Variants in ROBO2 observed in about 807,000 individuals in gnomAD.
ROBO2 encodes the protein roundabout homolog 2.
ROBO2 carries 53 observed loss-of-function variants against 160.8 expected under a neutral mutation model. The ratio of observed to expected loss-of-function variants is 0.33; its 90% CI spans 0.26 to 0.41. The LOEUF (loss-of-function observed/expected upper bound fraction) is 0.41. Ranked by LOEUF, ROBO2 falls within the 10% of genes least tolerant of loss-of-function variation. ROBO2 has a pLI of 1.00. For synonymous variants in ROBO2, 664 were observed against 611.7 expected (o/e 1.09, Z -1.26); for missense variants, 1,577 against 1,722.4 (o/e 0.92, Z 1.49).
intron 2 of ROBO2, among the ~76,000 whole-genome samples, chr3:76,853,614 G>T (rs1015403488): frequency 6.6e-6 from 1 of 152,104 alleles, no homozygotes; most frequent in Admixed American, 6.5e-5. Flanking sequence ...AATATAAAAA[G>T]TGTGGCATTG....
intron 2 of ROBO2, among the ~76,000 whole-genome samples, chr3:76,640,633 G>A (rs1004863196): frequency 4.0e-5 from 6 of 151,094 alleles, no homozygotes; most frequent in African/African-American, 7.3e-5. Flanking sequence ...GTGTGTGGCC[G>A]GGGGATGTGT....
chr3:76,582,158 G>C (rs980134279), intron 2 of ROBO2, among the ~76,000 whole-genome samples: 2 of 152,148 alleles, frequency 1.3e-5, no homozygotes, highest in African/African-American at 4.8e-5. Context: ...GTGAGTTGGA[G>C]TTCCTTAAAG....
At chr3:76,026,712 T>C (rs2066758039) in intron 2 of ROBO2, among the ~76,000 whole-genome samples, 1 of 151,998 alleles carries the variant, frequency 6.6e-6, no homozygotes, top group Non-Finnish European at 1.5e-5. Context: ...ATTTATATTT[T>C]GGTTTAACTT....
intron 2 of ROBO2, among the ~76,000 whole-genome samples, chr3:77,179,953 C>G (rs2080548435): frequency 6.6e-6 from 1 of 151,986 alleles, no homozygotes; most frequent in African/African-American, 2.4e-5. Context: ...GTTAGTGGCT[C>G]CCATGGAATG....
intron 2 of ROBO2, among the ~76,000 whole-genome samples, chr3:77,219,434 G>GTATATA (rs369099644): frequency 0.062 from 7,102 of 115,026 alleles, 323 homozygotes; most frequent in East Asian, 0.27. Flanking sequence ...GTATGTGTGT[G>GTATATA]TATATATATA....
chr3:77,333,301 T>C (rs2066164675), intron 2 of ROBO2, among the ~76,000 whole-genome samples: 1 of 152,174 alleles, frequency 6.6e-6, no homozygotes, highest in African/African-American at 2.4e-5. Context: ...TGTTCCTAAA[T>C]TTCCTCAGAC....
chr3:76,829,129 C>T (rs1057514800), intron 2 of ROBO2, among the ~76,000 whole-genome samples: 4 of 152,112 alleles, frequency 2.6e-5, no homozygotes, highest in South Asian at 2.1e-4. Flanking sequence ...CTCCACCTTC[C>T]GTAAGTCACC....
At chr3:76,530,579 C>T (rs570670747) in intron 2 of ROBO2, among the ~76,000 whole-genome samples, 136 of 152,202 alleles carry the variant, frequency 8.9e-4, no homozygotes, top group Non-Finnish European at 1.6e-3. Context: ...CCAAAAACCC[C>T]GTCTCGTCTC....
At chr3:77,377,609 T>C (rs1458358335) in intron 2 of ROBO2, among the ~76,000 whole-genome samples, 1 of 152,208 alleles carries the variant, frequency 6.6e-6, no homozygotes, top group Non-Finnish European at 1.5e-5. Flanking sequence ...AAGTCAATAA[T>C]GTCCCCAAGA....
At chr3:77,098,976 A>G (rs1051500972) in intron 2 of ROBO2, among the ~76,000 whole-genome samples, 1 of 152,082 alleles carries the variant, frequency 6.6e-6, no homozygotes, top group Non-Finnish European at 1.5e-5. Context: ...GGATGCTGGA[A>G]TCTTATGTAT....
intron 8 of ROBO2, among the ~76,000 whole-genome samples, chr3:77,555,052 G>T (rs2093061730): frequency 6.6e-6 from 1 of 151,810 alleles, no homozygotes; most frequent in South Asian, 2.1e-4. Flanking sequence ...CCACCACCCT[G>T]GTCAGTTAGC....
In ROBO2 at chr3:75,983,678, C is replaced by T. The variant is rs372836542; in HGVS notation, c.109+46076C>T. 4.6e-5 allele frequency among the ~76,000 whole-genome samples: 7 copies of T among 151,290 alleles called. No individual in the cohort carries two copies. In the East Asian group the frequency reaches 5.8e-4, roughly 13 times the overall value. On this transcript the variant is annotated intron_variant, in intron 2 of 26. Coordinates refer to the ROBO2 transcript ENST00000487694. ...GTTCTACTGAGATCCTGACCAGTCT[C>T]AGTGACCCACATCCTAGATTTCCTA...
At chr3:77,160,599 A>G (rs965116935) in intron 2 of ROBO2, among the ~76,000 whole-genome samples, 1 of 152,160 alleles carries the variant, frequency 6.6e-6, no homozygotes, top group Non-Finnish European at 1.5e-5. Context: ...TGTTCTATAA[A>G]CTGATATATG....
intron 2 of ROBO2, among the ~76,000 whole-genome samples, chr3:76,304,428 T>C (rs575245280): frequency 1.5e-4 from 23 of 152,216 alleles, no homozygotes; most frequent in Non-Finnish European, 3.4e-4. Flanking sequence ...AAACTACATA[T>C]GTATCTATAT....
chr3:76,311,441 A>G (rs913380339), intron 2 of ROBO2: 5 of 152,202 alleles, frequency 3.3e-5, no homozygotes, highest in Admixed American at 3.3e-4. Flanking sequence ...GTTTCGTGTT[A>G]AAGATCTAAA....
intron 2 of ROBO2, among the ~76,000 whole-genome samples, chr3:76,332,747 A>T (rs997783000): frequency 2.6e-5 from 4 of 151,786 alleles, no homozygotes; most frequent in Admixed American, 6.6e-5. Flanking sequence ...CATAAAAATA[A>T]TTTTTTTTTC....
At chr3:76,553,089 C>T (rs2083509055) in intron 2 of ROBO2, among the ~76,000 whole-genome samples, 1 of 152,018 alleles carries the variant, frequency 6.6e-6, no homozygotes, top group African/African-American at 2.4e-5. Context: ...GTGAGCAGGA[C>T]ATAGTGTCAA....
intron 2 of ROBO2, among the ~76,000 whole-genome samples, chr3:76,949,070 C>G (rs2149164670): frequency 1.3e-5 from 2 of 150,938 alleles, no homozygotes; most frequent in East Asian, 3.9e-4. Context: ...ATTTTCATGT[C>G]TAATCTTTTT....
chr3:77,362,192 G>A (rs1373750661), intron 2 of ROBO2, among the ~76,000 whole-genome samples: 1 of 152,144 alleles, frequency 6.6e-6, no homozygotes, highest in African/African-American at 2.4e-5. Context: ...AAAGCACAGT[G>A]AGGCTGACTT....
Sources: gnomAD v4.1 joint callset for allele counts (sites outside exome capture counted in the v4.1 genomes callset) on GRCh38, gnomAD v4.1.1 for gene constraint, MANE v1.5 for transcripts, NCBI Gene and HGNC (gene_info 2026-07-23, HGNC 2026-07-21) for gene names.